HECW1: variants seen among roughly 807,000 people sequenced by gnomAD.
The protein encoded by HECW1 is HECT, C2 and WW domain containing E3 ubiquitin protein ligase 1.
In HECW1, 61 loss-of-function variants were observed where a neutral mutation model predicts 182.3. That is an observed-to-expected ratio of 0.33 (90% CI 0.27 to 0.41). The LOEUF is 0.41. Ranked by LOEUF, HECW1 falls within the 10% of genes least tolerant of loss-of-function variation. The probability of loss-of-function intolerance (pLI) is 1.00; values close to 1 mark genes in which losing one functional copy is unlikely to be tolerated. For missense variants in HECW1, 1,739 were observed against 2,108.9 expected (o/e 0.82, Z 3.44); for synonymous variants, 859 against 832.6 (o/e 1.03, Z -0.55).
chr7:43,300,170 A>G (rs1337204163), intron 3 of HECW1, among the ~76,000 whole-genome samples: 4 of 152,230 alleles, frequency 2.6e-5, no homozygotes, highest in Admixed American at 2.6e-4. Flanking sequence ...AAATCACTAC[A>G]GATAGGCCTA....
chr7:43,115,299 C>CTTTTTTTTTT (rs34686016), intron 2 of HECW1, among the ~76,000 whole-genome samples: 1 of 138,192 alleles, frequency 7.2e-6, no homozygotes, highest in African/African-American at 2.7e-5. Context: ...TCAAACAGGT[C>CTTTTTTTTTT]TTTTTTTTTT....
At position 43,166,811 on chromosome 7, in the gene HECW1, A is replaced by G. The variant is rs1791171273; in HGVS notation, c.-32+52420A>G. 2.6e-5 allele frequency among the ~76,000 whole-genome samples: 4 copies of G among 152,148 alleles called. No homozygotes were observed. In the South Asian group the frequency reaches 8.3e-4, roughly 32 times the overall value. ...TTATTGATCTTAATTAATTACCAGC[A>G]CAGGACTGAGGGTGGGGCCAGGGAG... On this transcript the variant is annotated intron_variant, in intron 2 of 29. Coordinates refer to ENST00000395891, the MANE Select transcript of HECW1 (RefSeq NM_015052.5).
At chr7:43,197,524 G>A (rs1794581472) in intron 2 of HECW1, among the ~76,000 whole-genome samples, 1 of 152,194 alleles carries the variant, frequency 6.6e-6, no homozygotes, top group African/African-American at 2.4e-5. Flanking sequence ...TCTTGGCACA[G>A]AGCGATCACT....
intron 19 of HECW1, among the ~76,000 whole-genome samples, chr7:43,498,427 G>A (rs1385839083): frequency 6.6e-6 from 1 of 152,158 alleles, no homozygotes; most frequent in Non-Finnish European, 1.5e-5. Context: ...TTATCATTGG[G>A]AGAGCATATA....
chr7:43,184,338 C>G (rs949851618), intron 2 of HECW1, among the ~76,000 whole-genome samples: 2 of 152,168 alleles, frequency 1.3e-5, no homozygotes, highest in Non-Finnish European at 2.9e-5. Flanking sequence ...CTCACCATGT[C>G]CAATTTCAAG....
At chr7:43,182,280 T>C (rs1009537617) in intron 2 of HECW1, among the ~76,000 whole-genome samples, 1 of 152,258 alleles carries the variant, frequency 6.6e-6, no homozygotes, top group Non-Finnish European at 1.5e-5. Flanking sequence ...AGTTTCATAG[T>C]TTCTGGTCTT....
intron 6 of HECW1, among the ~76,000 whole-genome samples, chr7:43,376,199 A>G (rs554157808): frequency 6.6e-6 from 1 of 152,258 alleles, no homozygotes; most frequent in South Asian, 2.1e-4. Flanking sequence ...AGCGTGTAAG[A>G]TGCCACCAGC....
At chr7:43,253,759 T>A (rs1800277361) in intron 3 of HECW1, among the ~76,000 whole-genome samples, 1 of 152,024 alleles carries the variant, frequency 6.6e-6, no homozygotes, top group Non-Finnish European at 1.5e-5. Context: ...TACAAAAAAA[T>A]TAGCCAGGCA....
chr7:43,389,358 A>G (rs2074927759), intron 6 of HECW1, among the ~76,000 whole-genome samples: 2 of 152,332 alleles, frequency 1.3e-5, no homozygotes, highest in Admixed American at 6.5e-5. Context: ...TGTGTGTTTT[A>G]TCAAGCCCTG....
chr7:43,293,226 A>C (rs1805631400), intron 3 of HECW1, among the ~76,000 whole-genome samples: 1 of 151,094 alleles, frequency 6.6e-6, no homozygotes, highest in African/African-American at 2.5e-5. Context: ...TCTCAAAAAA[A>C]AAAAAAAAAA....
rs1034310420 is a variant in HECW1, at chr7:43,243,621, T to C, written c.-31-254T>C. Reference sequence around the variant, plus strand: ...AAGAAAAAAAAAAATTCTAGGCTCATGAGTCTCATTCCTTAAATTAAAATT... The same window carrying C: ...AAGAAAAAAAAAAATTCTAGGCTCACGAGTCTCATTCCTTAAATTAAAATT... On this transcript the variant is annotated intron_variant, in intron 2 of 29. Transcript: ENST00000395891. This position sits in a 1 kb window ranked among gnomAD's most constrained non-coding sequence, Gnocchi z 4.0. Among the ~76,000 whole-genome samples, 1 of 152,168 alleles carries C rather than the reference T, an allele frequency of 6.6e-6. No individual in the cohort carries two copies. The highest frequency in any genetic ancestry group is 2.4e-5 in the African/African-American group (1 of 41,454).
chr7:43,173,264 C>T (rs761892581), intron 2 of HECW1, among the ~76,000 whole-genome samples: 1 of 18,090 alleles, frequency 5.5e-5, no homozygotes, highest in Non-Finnish European at 9.8e-5. Flanking sequence ...CTTTGCATGG[C>T]TAAGCAGAGG....
At chr7:43,216,997 G>A (rs535959975) in intron 2 of HECW1, among the ~76,000 whole-genome samples, 1 of 152,146 alleles carries the variant, frequency 6.6e-6, no homozygotes, top group Non-Finnish European at 1.5e-5. Flanking sequence ...GGGACCAGCT[G>A]TCAAGGGTTC....
At chr7:43,514,991 T>C (rs1412180718) in intron 24 of HECW1, among the ~76,000 whole-genome samples, 1 of 152,158 alleles carries the variant, frequency 6.6e-6, no homozygotes, top group Non-Finnish European at 1.5e-5. Flanking sequence ...GTCAGATATA[T>C]AATTGGTCAA....
intron 13 of HECW1, among the ~76,000 whole-genome samples, chr7:43,460,455 G>T (rs1395488361): frequency 6.6e-6 from 1 of 152,026 alleles, no homozygotes; most frequent in African/African-American, 2.4e-5. Context: ...AAGGGGGGAG[G>T]TTGTGTAGTT....
At chr7:43,401,484 T>C (rs6972018) in intron 7 of HECW1, among the ~76,000 whole-genome samples, 1 of 151,172 alleles carries the variant, frequency 6.6e-6, no homozygotes, top group African/African-American at 2.4e-5. Flanking sequence ...TTTTGAGTAT[T>C]TAAATTAAAG....
At chr7:43,463,381 G>A (rs1342776513) in intron 13 of HECW1, among the ~76,000 whole-genome samples, 1 of 152,068 alleles carries the variant, frequency 6.6e-6, no homozygotes, top group African/African-American at 2.4e-5. Flanking sequence ...TTTAATGCAG[G>A]GCACAGGCTG....
Position 43,289,927 on chromosome 7 carries a change from G to T in HECW1, c.28-21836G>T, listed in dbSNP as rs573122707. ...TTCTTTAGTTGACAATTGGTTGAGA[G>T]AGTTGAGCTTTGTCTAAAGACTTGA... On this transcript the variant is annotated intron_variant, in intron 3 of 29. Coordinates refer to ENST00000395891, the MANE Select transcript of HECW1 (RefSeq NM_015052.5). Among the ~76,000 whole-genome samples the T allele has an allele frequency of 2.6e-5, 4 of 152,350 alleles. No homozygotes were observed. In the East Asian group the frequency reaches 5.8e-4, roughly 22 times the overall value.
chr7:43,543,055 A>G (rs1285108965), intron 26 of HECW1, among the ~76,000 whole-genome samples: 1 of 152,176 alleles, frequency 6.6e-6, no homozygotes, highest in African/African-American at 2.4e-5. Flanking sequence ...AAAGTTTCCC[A>G]TTTGTTTTCT....
Sources: gnomAD v4.1 joint callset for allele counts (sites outside exome capture counted in the v4.1 genomes callset) on GRCh38, gnomAD v4.1.1 for gene constraint, Gnocchi (gnomAD v3.1) non-coding constraint, MANE v1.5 for transcripts, NCBI Gene and HGNC (gene_info 2026-07-23, HGNC 2026-07-21) for gene names.